The following CDH13 variants were observed in gnomAD, a reference collection of about 807,000 sequenced individuals.
CDH13 encodes cadherin 13, also known as cadherin-13.
In CDH13, 24 loss-of-function variants were observed where a neutral mutation model predicts 63.8. The observed-to-expected ratio is 0.38, with a 90% CI of 0.27 to 0.53. CDH13 has a LOEUF of 0.53. Ranked by LOEUF, CDH13 falls within the 20% of genes least tolerant of loss-of-function variation. The pLI, the probability that CDH13 is intolerant of heterozygous loss-of-function variation, is 0.85. For synonymous variants in CDH13, 503 were observed against 355.3 expected (o/e 1.42, Z -4.67); for missense variants, 1,049 against 903.1 (o/e 1.16, Z -2.07).
intron 7 of CDH13, among the ~76,000 whole-genome samples, chr16:83,491,458 T>A (rs2074009493): frequency 6.6e-6 from 1 of 152,220 alleles, no homozygotes; most frequent in Non-Finnish European, 1.5e-5. Flanking sequence ...TGATAAATGT[T>A]TTATTTAGTT....
chr16:83,027,751 C>G (rs891577201), intron 2 of CDH13, among the ~76,000 whole-genome samples: 1 of 152,156 alleles, frequency 6.6e-6, no homozygotes, highest in Non-Finnish European at 1.5e-5. Flanking sequence ...TCCATTCTAA[C>G]TTCCTTCAAT....
intron 1 of CDH13, among the ~76,000 whole-genome samples, chr16:82,678,122 A>T (rs1367340852): frequency 1.3e-5 from 2 of 152,192 alleles, no homozygotes; most frequent in African/African-American, 4.8e-5. Context: ...GAAGGTATCT[A>T]GTACGGGAAA....
At chr16:83,356,358 T>C (rs548677388) in intron 6 of CDH13, among the ~76,000 whole-genome samples, 4 of 152,110 alleles carry the variant, frequency 2.6e-5, no homozygotes, top group South Asian at 4.2e-4. Context: ...CCATCCTTAC[T>C]GGTGGTAACC....
chr16:83,001,614 G>T (rs1912940078), intron 2 of CDH13, among the ~76,000 whole-genome samples: 1 of 152,214 alleles, frequency 6.6e-6, no homozygotes, highest in Non-Finnish European at 1.5e-5. Flanking sequence ...GGAGTTATCT[G>T]GCAGCCATGT....
chr16:83,041,511 C>T (rs567596571), intron 3 of CDH13, among the ~76,000 whole-genome samples: 1 of 152,084 alleles, frequency 6.6e-6, no homozygotes, highest in East Asian at 1.9e-4. Flanking sequence ...GCCCAAAAGC[C>T]AACGACCCTG....
intron 7 of CDH13, among the ~76,000 whole-genome samples, chr16:83,495,823 C>T (rs189161795): frequency 2.0e-4 from 30 of 152,192 alleles, no homozygotes; most frequent in African/African-American, 7.0e-4. Context: ...GAAAAAAGGT[C>T]AGAGTTTAGT....
At chr16:83,250,653 G>C (rs1035421139) in intron 5 of CDH13, among the ~76,000 whole-genome samples, 1 of 152,160 alleles carries the variant, frequency 6.6e-6, no homozygotes, top group Non-Finnish European at 1.5e-5. Context: ...CGTGGTGGTA[G>C]AAGTGAAATA....
intron 2 of CDH13, among the ~76,000 whole-genome samples, chr16:82,895,927 G>A (rs1394311042): frequency 6.6e-6 from 1 of 152,146 alleles, no homozygotes; most frequent in African/African-American, 2.4e-5. Context: ...AACACACTGA[G>A]CTTGTGGCTG....
At chr16:82,759,740 G>A (rs1191280394) in intron 1 of CDH13, among the ~76,000 whole-genome samples, 1 of 151,994 alleles carries the variant, frequency 6.6e-6, no homozygotes, top group African/African-American at 2.4e-5. Flanking sequence ...AATAGAGAAT[G>A]GTCTATAGAA....
chr16:83,647,455 A>C (rs936540870), intron 8 of CDH13, among the ~76,000 whole-genome samples: 1 of 152,118 alleles, frequency 6.6e-6, no homozygotes, highest in African/African-American at 2.4e-5. Flanking sequence ...TTGTGCTTCC[A>C]TAGCAATGAT....
intron 7 of CDH13, among the ~76,000 whole-genome samples, chr16:83,523,028 CT>C (rs1567734801): frequency 1.3e-5 from 2 of 152,186 alleles, no homozygotes; most frequent in African/African-American, 4.8e-5. Context: ...CCCTTCAGTT[CT>C]GCTGAAATGT....
intron 2 of CDH13, among the ~76,000 whole-genome samples, chr16:82,986,329 C>A (rs1910934562): frequency 2.0e-5 from 3 of 152,294 alleles, no homozygotes; most frequent in South Asian, 4.1e-4. Context: ...ACATTTGATA[C>A]AATCAAAACC....
At chr16:82,932,278 A>T (rs957196710) in intron 2 of CDH13, among the ~76,000 whole-genome samples, 1 of 152,184 alleles carries the variant, frequency 6.6e-6, no homozygotes, top group Non-Finnish European at 1.5e-5. Flanking sequence ...CTGAGATTCA[A>T]ATGTAGCTGG....
chr16:82,976,249 G>C (rs1361464559), intron 2 of CDH13, among the ~76,000 whole-genome samples: 1 of 152,178 alleles, frequency 6.6e-6, no homozygotes, highest in African/African-American at 2.4e-5. Flanking sequence ...CTCTGAAGAA[G>C]TTAACAAACA....
At chr16:83,129,312 G>A (rs2035947009) in intron 4 of CDH13, among the ~76,000 whole-genome samples, 1 of 152,234 alleles carries the variant, frequency 6.6e-6, no homozygotes, top group Non-Finnish European at 1.5e-5. Flanking sequence ...GCCATTTGAA[G>A]AAGAGATTCT....
chr16:82,897,479 A>C (rs2041308488), intron 2 of CDH13, among the ~76,000 whole-genome samples: 1 of 152,224 alleles, frequency 6.6e-6, no homozygotes, highest in South Asian at 2.1e-4. Flanking sequence ...TCTCTCAGCT[A>C]CTTTATTACT....
At chr16:82,742,878 TA>T (rs2033996123) in intron 1 of CDH13, among the ~76,000 whole-genome samples, 1 of 152,198 alleles carries the variant, frequency 6.6e-6, no homozygotes, top group Non-Finnish European at 1.5e-5. Flanking sequence ...ATGAGTCCAT[TA>T]AAAACAAATT....
At chr16:83,200,738 A>G (rs1042362240) in intron 4 of CDH13, among the ~76,000 whole-genome samples, 19 of 152,206 alleles carry the variant, frequency 1.2e-4, no homozygotes, top group African/African-American at 4.3e-4. Context: ...AACTTTGCCA[A>G]AGCATTTATT....
chr16:83,016,506 G>T (rs967268192), intron 2 of CDH13, among the ~76,000 whole-genome samples: 5 of 152,180 alleles, frequency 3.3e-5, no homozygotes, highest in African/African-American at 1.2e-4. Context: ...GATTACCAAA[G>T]GGCAGGTTAG....
Sources: allele counts gnomAD v4.1 joint callset (sites outside exome capture counted in the v4.1 genomes callset), GRCh38; gene constraint gnomAD v4.1.1; transcripts MANE v1.5; gene names NCBI Gene and HGNC (gene_info 2026-07-23, HGNC 2026-07-21).